The following KAZN variants were observed in gnomAD, a reference collection of about 807,000 sequenced individuals.
KAZN encodes kazrin, periplakin interacting protein.
A neutral mutation model predicts 87.4 loss-of-function variants in KAZN; 40 were observed. That is an observed-to-expected ratio of 0.46 (90% CI 0.36 to 0.60). KAZN has a LOEUF of 0.60. Among genes scored for constraint, KAZN ranks in the 20% least tolerant of loss-of-function variants. The pLI is 0.00. For synonymous variants in KAZN, 466 were observed against 458.3 expected, an observed-to-expected ratio of 1.02 and a Z score of -0.22; for missense variants, 898 against 1,073.9, an observed-to-expected ratio of 0.84 and a Z score of 2.29.
chr1:14,299,518 A>G (rs1419796294), intron 2 of KAZN, among the ~76,000 whole-genome samples: 1 of 152,186 alleles, frequency 6.6e-6, no homozygotes, highest in African/African-American at 2.4e-5. Context: ...AAAAGAAAAG[A>G]AAAGAAAAGA....
At position 15,012,541 on chromosome 1, in the gene KAZN, C is replaced by T. The variant is rs183299696; in HGVS notation, c.419-22208C>T. Among the ~76,000 whole-genome samples, 243 of 152,268 alleles carry T rather than the reference C, an allele frequency of 1.6e-3. 9 individuals carry two copies. The highest frequency in any genetic ancestry group is 1.6e-3 in the Non-Finnish European group (108 of 68,028). ...TAGACAACCCCAGTTTCTTCCAGGC[C>T]CTCAATGCAGGGCACAGCATAGGAA... On this transcript the variant is annotated intron_variant, in intron 2 of 14. Transcript: ENST00000376030.
chr1:14,102,303 GAC>G (rs1644274251), intron 1 of KAZN, among the ~76,000 whole-genome samples: 1 of 152,156 alleles, frequency 6.6e-6, no homozygotes, highest in Non-Finnish European at 1.5e-5. Context: ...TCCTGATAGA[GAC>G]AGCCTGGGAA....
rs79871633 is a variant in KAZN, at chr1:14,686,459, G to A, written c.226+87236G>A. Among the ~76,000 whole-genome samples the A allele has an allele frequency of 7.2e-3, 1,102 of 152,304 alleles. 15 individuals are homozygous for A. Among genetic ancestry groups the A allele is most frequent in the African/African-American group, 0.025 (1,026 of 41,558 alleles). On this transcript the variant is annotated intron_variant, in intron 1 of 14. Coordinates refer to ENST00000376030, the MANE Select transcript of KAZN (RefSeq NM_201628.3). Reference sequence around the variant, plus strand: ...CAAGGCAGATATATGTGGTCCCCTCGCCTCTCCAACTTGAGAGAATTCCTT... The same window carrying A: ...CAAGGCAGATATATGTGGTCCCCTCACCTCTCCAACTTGAGAGAATTCCTT...
intron 1 of KAZN, among the ~76,000 whole-genome samples, chr1:14,730,084 G>C (rs1040600280): frequency 6.6e-6 from 1 of 152,050 alleles, no homozygotes; most frequent in Non-Finnish European, 1.5e-5. Flanking sequence ...CTCTCATAAA[G>C]TATCCTTTTT....
At chr1:14,011,838 C>T (rs1640328188) in intron 1 of KAZN, among the ~76,000 whole-genome samples, 1 of 152,042 alleles carries the variant, frequency 6.6e-6, no homozygotes, top group Non-Finnish European at 1.5e-5. Flanking sequence ...TCAGCGTTTC[C>T]CAGCACAGAG....
In KAZN at chr1:15,081,832, AGGTCGGCCTGTG is replaced by A. The variant is rs1557785129; in HGVS notation, c.1223-12343_1223-12332del. Among the ~76,000 whole-genome samples, 1 of 152,164 alleles carries A rather than the reference AGGTCGGCCTGTG, an allele frequency of 6.6e-6. No homozygotes were observed. The highest frequency in any genetic ancestry group is 1.5e-5 in the Non-Finnish European group (1 of 68,030). On this transcript the variant is annotated intron_variant, in intron 8 of 14. Coordinates refer to ENST00000376030, the MANE Select transcript of KAZN (RefSeq NM_201628.3). This position sits in a 1 kb window ranked among gnomAD's most constrained non-coding sequence, Gnocchi z 4.1. ...TGAGAAGCTAAGGATGAAGCTGGCA[AGGTCGGCCTGTG>A]GGTCACAGCAAGGACCTTGGGCTTT... is the stretch of plus-strand genomic sequence containing the variant.
rs575768277 is a variant in KAZN at position 13,894,732 on chromosome 1, C to T, written c.91+976C>T. On this transcript the variant is annotated intron_variant, in intron 1 of 16. Transcript: ENST00000636203. Reference sequence around the variant, plus strand: ...GACCTTGGAAATTGCAGACTGCACCCCCCTTCCTGGGGTATCCGTCCCCTG... The same window carrying T: ...GACCTTGGAAATTGCAGACTGCACCTCCCTTCCTGGGGTATCCGTCCCCTG... Among the ~76,000 whole-genome samples the T allele has an allele frequency of 6.6e-5, 10 of 152,250 alleles. No individual in the cohort carries two copies. In the East Asian group the frequency reaches 1.7e-3, roughly 26 times the overall value.
intron 3 of KAZN, among the ~76,000 whole-genome samples, chr1:15,038,970 G>A (rs373260873): frequency 2.0e-5 from 3 of 150,544 alleles, no homozygotes; most frequent in South Asian, 2.2e-4. Flanking sequence ...AACAGCAGAC[G>A]TTTATTGTGC....
chr1:14,682,213 A>G (rs1252987376), intron 1 of KAZN, among the ~76,000 whole-genome samples: 1 of 151,774 alleles, frequency 6.6e-6, no homozygotes, highest in Non-Finnish European at 1.5e-5. Context: ...TAGCAGGTGA[A>G]TCATACAGTA....
At chr1:14,870,179 T>G (rs1217958759) in intron 1 of KAZN, among the ~76,000 whole-genome samples, 1 of 152,156 alleles carries the variant, frequency 6.6e-6, no homozygotes, top group Admixed American at 6.5e-5. Flanking sequence ...GTCTAGGGCC[T>G]GGATACTGGG....
At chr1:14,852,764 C>T (rs1572650471) in intron 1 of KAZN, among the ~76,000 whole-genome samples, 1 of 152,184 alleles carries the variant, frequency 6.6e-6, no homozygotes, top group East Asian at 1.9e-4. Flanking sequence ...TTCTTCTGCC[C>T]GTGTAATAAG....
chr1:14,606,575 G>T (rs1222875185), intron 1 of KAZN, among the ~76,000 whole-genome samples: 1 of 152,116 alleles, frequency 6.6e-6, no homozygotes, highest in Admixed American at 6.5e-5. Context: ...CCAGAGTCTT[G>T]TGGCAGCCTT....
intron 1 of KAZN, among the ~76,000 whole-genome samples, chr1:14,675,293 A>G (rs1640152530): frequency 6.6e-6 from 1 of 152,236 alleles, no homozygotes; most frequent in African/African-American, 2.4e-5. Context: ...TTGAACTGGA[A>G]GTCAAGTTCT....
intron 1 of KAZN, among the ~76,000 whole-genome samples, chr1:14,714,679 G>C (rs1642684765): frequency 6.6e-6 from 1 of 152,128 alleles, no homozygotes; most frequent in Admixed American, 6.5e-5. Flanking sequence ...CCAGGCACAG[G>C]CAGCATACCT....
chr1:15,057,510 C>A (rs539617907), intron 5 of KAZN, among the ~76,000 whole-genome samples: 2 of 152,190 alleles, frequency 1.3e-5, no homozygotes, highest in Non-Finnish European at 2.9e-5. Context: ...ACTTTGAGAA[C>A]CCAGACAGTA....
At chr1:14,877,474 G>A (rs983983876) in intron 1 of KAZN, among the ~76,000 whole-genome samples, 3 of 152,202 alleles carry the variant, frequency 2.0e-5, no homozygotes, top group Non-Finnish European at 4.4e-5. Context: ...TATGGGGTCA[G>A]CTCTGCCCAA....
chr1:14,789,493 G>T (rs1645608329), intron 1 of KAZN, among the ~76,000 whole-genome samples: 1 of 152,108 alleles, frequency 6.6e-6, no homozygotes. Flanking sequence ...CCTCTCACCT[G>T]AACCAGCCTT....
chr1:13,897,058 G>A (rs558632849), intron 1 of KAZN, among the ~76,000 whole-genome samples: 1 of 152,232 alleles, frequency 6.6e-6, no homozygotes, highest in South Asian at 2.1e-4. Flanking sequence ...GGCTGTGTGA[G>A]CTTCAAACCA....
At position 14,923,533 on chromosome 1, in the gene KAZN, T is replaced by C. The variant is rs1175361909; in HGVS notation, c.227-37151T>C. Among the ~76,000 whole-genome samples, 1 of 152,122 alleles carries C rather than the reference T, an allele frequency of 6.6e-6. No homozygotes were observed. The highest frequency in any genetic ancestry group is 6.5e-5 in the Admixed American group (1 of 15,278). On this transcript the variant is annotated intron_variant, in intron 1 of 14. Coordinates refer to ENST00000376030, the MANE Select transcript of KAZN (RefSeq NM_201628.3). This position sits in a 1 kb window ranked among gnomAD's most constrained non-coding sequence, Gnocchi z 4.2. ...GAGAGTTCATGGGCAGCACTGATAA[T>C]GGACAGTGGGGAATTACTAATGCCT...
Sources: gnomAD v4.1 joint callset for allele counts (sites outside exome capture counted in the v4.1 genomes callset) on GRCh38, gnomAD v4.1.1 for gene constraint, Gnocchi (gnomAD v3.1) non-coding constraint, MANE v1.5 for transcripts, NCBI Gene and HGNC (gene_info 2026-07-23, HGNC 2026-07-21) for gene names.